DNAH17: variants seen among roughly 807,000 people sequenced by gnomAD.
DNAH17 encodes dynein axonemal heavy chain 17.
DNAH17 carries 376 observed loss-of-function variants against 485.6 expected under a neutral mutation model. That is an observed-to-expected ratio of 0.77 (90% CI 0.71 to 0.84). The LOEUF (loss-of-function observed/expected upper bound fraction) is 0.84, where lower values mean the gene tolerates loss of function less well. Ranked by LOEUF, DNAH17 falls within the 40% of genes least tolerant of loss-of-function variation. DNAH17 has a pLI of 0.00. For missense variants in DNAH17, 6,370 were observed against 5,839.3 expected (o/e 1.09, Z -2.96); for synonymous variants, 3,031 against 2,405.9 (o/e 1.26, Z -7.60).
At chr17:78,471,893 C>T (rs749476017) in intron 54 of DNAH17, among the ~76,000 whole-genome samples, 14 of 152,194 alleles carry the variant, frequency 9.2e-5, no homozygotes, top group African/African-American at 1.9e-4. Flanking sequence ...CCATGTGTCC[C>T]GCTGTGCGAT....
Position 78,572,849 on chromosome 17 carries a change from G to A in DNAH17, c.391C>T (p.Pro131Ser), listed in dbSNP as rs371271843. The A allele has an allele frequency of 1.5e-5, 24 of 1,613,798 alleles. No individual in the cohort carries two copies. In the African/African-American group the frequency reaches 2.4e-4, roughly 16 times the overall value. The change falls in exon 3 of 81, where the codon CCC (proline) becomes TCC (serine). Residue 131 changes from proline to serine, a missense_variant. Physicochemically the swap from Pro to Ser is moderately conservative, Grantham distance 74. Transcript: ENST00000389840. ...ACGATGTCTTCCGAGACCACCTGGG[G>A]CCATCCAGCCATGTTCTCACTTTGG... ...LNQSENMAGW[P>S]QVVSEDIVKQ...
chr17:78,539,411 A>G (rs927048294), intron 18 of DNAH17, among the ~76,000 whole-genome samples: 3 of 152,036 alleles, frequency 2.0e-5, no homozygotes, highest in African/African-American at 2.4e-5. Flanking sequence ...CCTCCCCCCA[A>G]TCCACATGAG....
At chr17:78,458,438 G>A in intron 62 of DNAH17, 127 bp downstream of exon 62, 1 of 748,016 alleles carries the variant, frequency 1.3e-6, no homozygotes, top group South Asian at 1.6e-5. Flanking sequence ...TTGAGCTCAA[G>A]AAGTGAAAGT....
intron 49 of DNAH17, among the ~76,000 whole-genome samples, chr17:78,480,029 T>TAAGAATAG (rs1568122264): frequency 3.5e-5 from 2 of 57,330 alleles, no homozygotes; most frequent in African/African-American, 1.2e-4. Context: ...TTTTTTTTTT[T>TAAGAATAG]TTTTTTTTTT....
chr17:78,561,688 C>T lies in DNAH17; in HGVS notation c.1835+27G>A, dbSNP rs1249498896. On this transcript the variant is annotated intron_variant, in intron 12 of 80. Transcript: ENST00000389840. ...CTCCCGCACCATGGAGGCGGGGTGC[C>T]TGCCCCTGCCCAGGGCTGTGACTCA... 9 of 1,576,348 alleles carry T rather than the reference C, an allele frequency of 5.7e-6. No individual in the cohort carries two copies. The Admixed American group carries it at 1.0e-4, about 18-fold the overall frequency.
Position 78,500,286 on chromosome 17 carries a change from C to T in DNAH17, c.5640+19G>A, listed in dbSNP as rs1262222628. The T allele has an allele frequency of 3.1e-6, 5 of 1,601,280 alleles. No homozygotes were observed. The African/African-American group carries it at 5.4e-5, about 17-fold the overall frequency. On this transcript the variant is annotated intron_variant, in intron 36 of 80. Transcript: ENST00000389840. ...TAAAAGAAGACTCTGGGTCCCTCCTCCGGACCCCGGCCGCGTACCTTGTAG... is the reference window on the plus strand; with the variant it reads ...TAAAAGAAGACTCTGGGTCCCTCCTTCGGACCCCGGCCGCGTACCTTGTAG...
chr17:78,457,657 CTTTTTTT>C (rs71160297), intron 62 of DNAH17, among the ~76,000 whole-genome samples: 6 of 66,784 alleles, frequency 9.0e-5, no homozygotes, highest in African/African-American at 2.8e-4. Flanking sequence ...CCGTGCCTGG[CTTTTTTT>C]TTTTTTTTTT....
rs2086592604 is a variant in DNAH17 at position 78,429,314 on chromosome 17, A to G, written c.12226-14T>C. 1 of 1,610,632 alleles carries G rather than the reference A, an allele frequency of 6.2e-7. No individual in the cohort carries two copies. Among genetic ancestry groups the G allele is most frequent in the Non-Finnish European group, 8.5e-7 (1 of 1,177,646 alleles). On this transcript the variant is annotated splice_polypyrimidine_tract_variant and intron_variant, in intron 75 of 80. Transcript: ENST00000389840. Reference sequence around the variant, plus strand: ...GTCCCAGGGCACCTGAGGAAGGATGACAGCGGGTAGGGGAAAGTGCCCCTG... The same window carrying G: ...GTCCCAGGGCACCTGAGGAAGGATGGCAGCGGGTAGGGGAAAGTGCCCCTG...
chr17:78,471,000 T>C (rs558028961), intron 54 of DNAH17, among the ~76,000 whole-genome samples: 54 of 152,366 alleles, frequency 3.5e-4, no homozygotes, highest in African/African-American at 1.2e-3. Context: ...TCCATGTATA[T>C]ATATGTTCAG....
intron 16 of DNAH17, among the ~76,000 whole-genome samples, chr17:78,549,992 C>G (rs573023859): frequency 6.6e-6 from 1 of 152,298 alleles, no homozygotes; most frequent in South Asian, 2.1e-4. Flanking sequence ...AGGACAGAGA[C>G]CCCTTGGCAT....
At chr17:78,476,027 G>C (rs1308132169) in intron 52 of DNAH17, among the ~76,000 whole-genome samples, 194 bp from the exon 53 acceptor site, 5 of 152,124 alleles carry the variant, frequency 3.3e-5, no homozygotes, top group Non-Finnish European at 7.4e-5. Context: ...GAGTGGGAGG[G>C]TCTGATCCCC....
intron 42 of DNAH17, 38 bp downstream of exon 42, chr17:78,492,595 A>G: frequency 6.2e-7 from 1 of 1,609,880 alleles, no homozygotes; most frequent in African/African-American, 1.3e-5. Flanking sequence ...CTGGACCAGG[A>G]GTGCCCCTGC....
At position 78,468,719 on chromosome 17, in the gene DNAH17, G is replaced by A. The variant is rs752393486; in HGVS notation, c.8676C>T (p.Asn2892=). ...PGLFMEDEVE[N]IISSMRPQVK... is the part of the protein sequence containing the mutation. ...CTTGGGGTCGCATGGAGGAGATGAT[G>A]TTCTCCACCTCGTCCTCCATAAACA... Residue 2892 remains asparagine (N), a synonymous_variant, in exon 55 of 81, where the codon AAC becomes AAT. Transcript: ENST00000389840. The A allele has an allele frequency of 4.3e-6, 7 of 1,613,908 alleles. No individual in the cohort carries two copies. In the East Asian group the frequency reaches 1.3e-4, roughly 31 times the overall value.
At chr17:78,576,642 G>A (rs1332542654) in intron 1 of DNAH17, among the ~76,000 whole-genome samples, 2 of 152,184 alleles carry the variant, frequency 1.3e-5, no homozygotes, top group East Asian at 1.9e-4. Context: ...AGGGGAGCCC[G>A]AGTCCTGGAA....
chr17:78,531,335 G>C lies in DNAH17; in HGVS notation c.3115-823C>G, dbSNP rs745524267. ...TTTTACTGTTTGTGACATAAAGTCT[G>C]TCTTTTTTTTTTTTTTTTTTTTGAG... On this transcript the variant is annotated intron_variant, in intron 20 of 80. Coordinates refer to ENST00000389840, the MANE Select transcript of DNAH17 (RefSeq NM_173628.4). 2.0e-3 allele frequency among the ~76,000 whole-genome samples: 290 copies of C among 141,608 alleles called. 1 individual carries two copies. The highest frequency in any genetic ancestry group is 7.4e-3 in the Middle Eastern group (2 of 270). The allele number at this position is 141,608 out of a possible 152,430, so 92.9% of individuals were successfully genotyped here.
At chr17:78,493,627 A>G (rs187860432) in intron 41 of DNAH17, among the ~76,000 whole-genome samples, 2 of 152,240 alleles carry the variant, frequency 1.3e-5, no homozygotes, top group Non-Finnish European at 2.9e-5. Context: ...CTGGCCGGAC[A>G]CTTGGCTGGC....
intron 16 of DNAH17, among the ~76,000 whole-genome samples, chr17:78,546,727 G>GT (rs1294176777): frequency 6.6e-6 from 1 of 152,160 alleles, no homozygotes; most frequent in Non-Finnish European, 1.5e-5. Context: ...ACAACATGGT[G>GT]AAACCCCATC....
chr17:78,506,993 G>A (rs531519379), intron 29 of DNAH17, 147 bp from the exon 30 acceptor site: 31 of 1,249,866 alleles, frequency 2.5e-5, no homozygotes, highest in Middle Eastern at 5.7e-4. Flanking sequence ...ATCTCCTACC[G>A]GAGGCTCTCG....
At chr17:78,479,199 G>T in intron 50 of DNAH17, 83 bp from the exon 51 acceptor site, 2 of 1,379,826 alleles carry the variant, frequency 1.4e-6, no homozygotes, top group Non-Finnish European at 2.0e-6. Flanking sequence ...TAAAGCCAAT[G>T]GACTACGAAA....
Sources: allele counts gnomAD v4.1 joint callset (sites outside exome capture counted in the v4.1 genomes callset), GRCh38; gene constraint gnomAD v4.1.1; transcripts MANE v1.5; gene names NCBI Gene and HGNC (gene_info 2026-07-23, HGNC 2026-07-21).